TRIM9: variants seen among roughly 807,000 people sequenced by gnomAD.
TRIM9 encodes the protein tripartite motif containing 9.
Under a neutral mutation model 78.3 loss-of-function variants are expected in TRIM9, and 26 were observed. The observed-to-expected ratio is 0.33, with a 90% CI of 0.24 to 0.46. The LOEUF is 0.46. TRIM9 is among the 20% of genes least tolerant of loss of function. The pLI is 1.00. For missense variants in TRIM9, 787 were observed against 1,036.4 expected, an observed-to-expected ratio of 0.76 and a Z score of 3.30; for synonymous variants, 398 against 416.5, an observed-to-expected ratio of 0.96 and a Z score of 0.54.
chr14:51,064,093 G>C (rs939570252), intron 1 of TRIM9, among the ~76,000 whole-genome samples: 3 of 152,086 alleles, frequency 2.0e-5, no homozygotes, highest in Non-Finnish European at 4.4e-5. Context: ...TTAAAGGTGG[G>C]AGAAATAACT....
chr14:50,996,781 C>T (rs2054263628), intron 7 of TRIM9: 1 of 985,448 alleles, frequency 1.0e-6, no homozygotes, highest in African/African-American at 1.7e-5. Context: ...GTAGCTACCA[C>T]ATCACTGTAC....
At chr14:51,028,046 T>G (rs1371208275) in intron 1 of TRIM9, among the ~76,000 whole-genome samples, 1 of 152,152 alleles carries the variant, frequency 6.6e-6, no homozygotes, top group Non-Finnish European at 1.5e-5. Context: ...TACCCATAGA[T>G]TTTTTGACCA....
intron 1 of TRIM9, among the ~76,000 whole-genome samples, chr14:51,070,597 G>A (rs1332709418): frequency 1.3e-5 from 2 of 150,894 alleles, no homozygotes; most frequent in Admixed American, 6.6e-5. Flanking sequence ...ACTCTGAAAT[G>A]CTTCAATGAG....
chr14:51,025,208 G>T, intron 2 of TRIM9, 57 bp downstream of exon 2: 2 of 1,448,904 alleles, frequency 1.4e-6, no homozygotes, highest in Non-Finnish European at 1.9e-6. Flanking sequence ...AAACTCTCCC[G>T]CCACACAGTT....
rs1297537963 is a variant in TRIM9, at chr14:50,977,518, G to T, written c.2326-165C>A. On this transcript the variant is annotated intron_variant, in intron 12 of 12. Coordinates refer to ENST00000684578, the MANE Select transcript of TRIM9 (RefSeq NM_001387360.1). ...GAATTCAAGAAGAATCCTGCCTATG[G>T]TAACAGGCTGCTCACCATGGTGGGC... Among the ~76,000 whole-genome samples, 6 of 152,184 alleles carry T rather than the reference G, an allele frequency of 3.9e-5. No homozygotes were observed. The East Asian group carries it at 7.7e-4, about 20-fold the overall frequency.
At chr14:51,009,651 T>C (rs554550610) in intron 4 of TRIM9, among the ~76,000 whole-genome samples, 3 of 152,322 alleles carry the variant, frequency 2.0e-5, no homozygotes, top group South Asian at 4.1e-4. Context: ...TTTCATAAAA[T>C]AGTTTAGTGA....
chr14:50,978,833 A>C, intron 12 of TRIM9: 1 of 903,246 alleles, frequency 1.1e-6, no homozygotes, highest in Non-Finnish European at 1.3e-6. Context: ...GGCATTCTAT[A>C]GATATTTGCT....
intron 1 of TRIM9, among the ~76,000 whole-genome samples, chr14:51,077,702 C>G (rs1189321349): frequency 6.6e-6 from 1 of 152,082 alleles, no homozygotes. Context: ...CTGTCCTAAA[C>G]CAATTCTAAT....
In TRIM9 at chr14:50,981,991, A is replaced by G. The variant is rs750399710; in HGVS notation, c.1971T>C (p.Thr657=). 5.0e-6 allele frequency: 8 copies of G among 1,614,194 alleles called. No homozygotes were observed. In the East Asian group the frequency reaches 1.6e-4, roughly 31 times the overall value. ...SYDDRVVLGK[T]GFSKGIHYWE... ...AGTAGTGGATGCCCTTGGAGAAGCCAGTCTTCCCTAGCACCACCCGGTCAT... is the reference window on the plus strand; with the variant it reads ...AGTAGTGGATGCCCTTGGAGAAGCCGGTCTTCCCTAGCACCACCCGGTCAT... Residue 657 remains threonine (T), a synonymous_variant, in exon 11 of 13, where the codon ACT becomes ACC. Coordinates refer to ENST00000684578, the MANE Select transcript of TRIM9 (RefSeq NM_001387360.1).
chr14:50,981,634 C>G (rs1161891775), intron 11 of TRIM9, among the ~76,000 whole-genome samples, 166 bp downstream of exon 11: 1 of 152,064 alleles, frequency 6.6e-6, no homozygotes, highest in Non-Finnish European at 1.5e-5. Context: ...GAAAGTAAAC[C>G]ACCAGCATGG....
At chr14:51,010,542 A>G in intron 3 of TRIM9, 48 bp from the exon 4 acceptor site, 1 of 1,404,604 alleles carries the variant, frequency 7.1e-7, no homozygotes, top group African/African-American at 1.4e-5. Context: ...GGCAGAGGGT[A>G]GAAGAGAAGC....
chr14:51,069,030 AT>A (rs1236276779), intron 1 of TRIM9, among the ~76,000 whole-genome samples: 1 of 152,120 alleles, frequency 6.6e-6, no homozygotes, highest in African/African-American at 2.4e-5. Context: ...CAGTTAGGAG[AT>A]TATTTCAATA....
chr14:51,024,330 C>T (rs2058031884), intron 2 of TRIM9, among the ~76,000 whole-genome samples: 1 of 152,140 alleles, frequency 6.6e-6, no homozygotes, highest in Non-Finnish European at 1.5e-5. Flanking sequence ...GTATACAAAA[C>T]TGCTAGGCTG....
chr14:51,048,657 G>C (rs1369378088), intron 1 of TRIM9, among the ~76,000 whole-genome samples: 1 of 152,050 alleles, frequency 6.6e-6, no homozygotes, highest in East Asian at 1.9e-4. Context: ...GGAAGCACCT[G>C]GTTCTACTTT....
chr14:51,063,659 A>C (rs930352115), intron 1 of TRIM9, among the ~76,000 whole-genome samples: 2 of 152,144 alleles, frequency 1.3e-5, no homozygotes, highest in African/African-American at 4.8e-5. Context: ...ACCAAAAACA[A>C]AAAAGGAAAG....
intron 1 of TRIM9, among the ~76,000 whole-genome samples, chr14:51,056,583 T>A (rs2060914893): frequency 6.6e-6 from 1 of 152,182 alleles, no homozygotes; most frequent in Non-Finnish European, 1.5e-5. Flanking sequence ...CAGTGAGCTA[T>A]CCATCAGAGG....
rs999662999 is a variant in TRIM9, at chr14:51,094,776, G to A, written c.164C>T (p.Ser55Phe). Reference sequence around the variant, plus strand: ...CAGATAGTCATAGTCGGAGACCCCGGAGCCCGCGGCCCGATGGCTCTGGGG... The same window carrying A: ...CAGATAGTCATAGTCGGAGACCCCGAAGCCCGCGGCCCGATGGCTCTGGGG... ...ESPQSHRAAG[S>F]GVSDYDYLDL... Residue 55 changes from serine (S) to phenylalanine (F), a missense_variant, in exon 1 of 13, where the codon TCC (serine) becomes TTC (phenylalanine). Physicochemically the swap from Ser to Phe is radical, Grantham distance 155 (BLOSUM62 -2). This residue lies in a region of TRIM9 where 352 missense variants were observed against 472.3 expected (regional missense o/e 0.75). Coordinates refer to ENST00000684578, the MANE Select transcript of TRIM9 (RefSeq NM_001387360.1). 58 of 1,529,330 alleles carry A rather than the reference G, an allele frequency of 3.8e-5. No homozygotes were observed. Among genetic ancestry groups the A allele is most frequent in the Non-Finnish European group, 5.0e-5 (57 of 1,141,446 alleles). The allele number at this position is 1,529,330 out of a possible 1,614,324, so 94.7% of individuals were successfully genotyped here. A position where few individuals can be genotyped will look rare whatever the true frequency, so the allele number is the denominator to read the frequency against.
chr14:51,031,023 C>T (rs1227111183), intron 1 of TRIM9, among the ~76,000 whole-genome samples: 3 of 151,576 alleles, frequency 2.0e-5, no homozygotes, highest in Admixed American at 6.6e-5. Flanking sequence ...TGGCGGGCGC[C>T]TGTAACTCCA....
At chr14:51,070,780 T>TTTGTTTCTGAA (rs1362642845) in intron 1 of TRIM9, among the ~76,000 whole-genome samples, 323 of 152,312 alleles carry the variant, frequency 2.1e-3, no homozygotes, top group African/African-American at 7.3e-3. Context: ...AATGGCACAG[T>TTTGTTTCTGAA]GTATTTGTTT....
Sources: allele counts gnomAD v4.1 joint callset (sites outside exome capture counted in the v4.1 genomes callset), GRCh38; gene constraint gnomAD v4.1.1; regional missense constraint gnomAD v4.1.1; transcripts MANE v1.5; gene names NCBI Gene and HGNC (gene_info 2026-07-23, HGNC 2026-07-21).